The following MAP7D2 variants were observed in gnomAD, a reference collection of about 807,000 sequenced individuals.
The protein encoded by MAP7D2 is MAP7 domain containing 2, also known as MAP7 domain-containing protein 2.
In MAP7D2, 33 loss-of-function variants were observed where a neutral mutation model predicts 63.5. The ratio of observed to expected loss-of-function variants is 0.52; its 90% CI spans 0.39 to 0.70. The LOEUF (loss-of-function observed/expected upper bound fraction) is 0.70, where lower values mean the gene tolerates loss of function less well. MAP7D2 is among the 30% of genes least tolerant of loss of function. MAP7D2 has a pLI of 0.00. For missense variants in MAP7D2, 626 were observed against 604.0 expected (o/e 1.04, Z -0.38); for synonymous variants, 224 against 223.7 (o/e 1.00, Z -0.01).
chrX:20,009,572 G>A (rs1321589509), intron 16 of MAP7D2, among the ~76,000 whole-genome samples: 1 of 103,514 alleles, frequency 9.7e-6, no homozygotes, highest in Non-Finnish European at 1.9e-5. Context: ...GCTGAGGCAG[G>A]AGAATGGCTT....
chrX:20,031,766 C>CA (rs1332223762), intron 8 of MAP7D2, among the ~76,000 whole-genome samples: 2 of 111,544 alleles, frequency 1.8e-5, no homozygotes, highest in East Asian at 5.5e-4. Context: ...GAGTCTGTCT[C>CA]AAAAAAACCC....
At chrX:20,076,065 T>C (rs966044525) in intron 1 of MAP7D2, among the ~76,000 whole-genome samples, 6 of 111,778 alleles carry the variant, frequency 5.4e-5, no homozygotes, top group Non-Finnish European at 9.4e-5. Flanking sequence ...TGCTGGGCTC[T>C]ACCCCTAGAA....
chrX:20,008,484 C>T (rs1413628577), intron 16 of MAP7D2, 86 bp from the exon 17 acceptor site: 2 of 112,322 alleles, frequency 1.8e-5, no homozygotes, highest in Non-Finnish European at 3.8e-5. Flanking sequence ...CTCACTAAAA[C>T]GATCACAACA....
At chrX:20,038,928 T>A (rs1372256263) in intron 8 of MAP7D2, among the ~76,000 whole-genome samples, 1 of 112,087 alleles carries the variant, frequency 8.9e-6, no homozygotes, top group East Asian at 2.8e-4. Context: ...TACCATGCCC[T>A]GTGATTAAGG....
Position 20,052,871 on chromosome X carries a change from C to A in MAP7D2, c.595+7G>T, listed in dbSNP as rs2064984008. 3 of 1,165,898 alleles carry A rather than the reference C, an allele frequency of 2.6e-6. No homozygotes were observed. Among genetic ancestry groups the A allele is most frequent in the Non-Finnish European group, 3.5e-6 (3 of 853,860 alleles). ...ACTAGAGAGACCAAGTCTACATGTTCACTTGCCTCGGTCTGGGGAATAGGA... is the reference window on the plus strand; with the variant it reads ...ACTAGAGAGACCAAGTCTACATGTTAACTTGCCTCGGTCTGGGGAATAGGA... On this transcript the variant is annotated splice_region_variant and intron_variant, in intron 5 of 16. Coordinates refer to ENST00000379643, the MANE Select transcript of MAP7D2 (RefSeq NM_001168465.2).
At chrX:20,024,819 G>A in intron 10 of MAP7D2, 132 bp downstream of exon 10, 3 of 674,599 alleles carry the variant, frequency 4.4e-6, no homozygotes, top group Non-Finnish European at 6.6e-6. Context: ...CTTCCATGTA[G>A]TTCAGACATT....
At chrX:20,099,471 T>A (rs776101895) in intron 1 of MAP7D2, among the ~76,000 whole-genome samples, 27 of 111,858 alleles carry the variant, frequency 2.4e-4, no homozygotes, top group Non-Finnish European at 4.7e-4. Flanking sequence ...CCTGTCTGCC[T>A]TTTATCTAAT....
intron 1 of MAP7D2, among the ~76,000 whole-genome samples, chrX:20,106,285 T>C: frequency 8.9e-6 from 1 of 112,006 alleles, no homozygotes; most frequent in Non-Finnish European, 1.9e-5. Flanking sequence ...GAGGACCCAC[T>C]AGTCACAGCC....
chrX:20,068,396 G>T (rs1406148512), intron 1 of MAP7D2, among the ~76,000 whole-genome samples: 2 of 112,080 alleles, frequency 1.8e-5, no homozygotes, highest in African/African-American at 3.2e-5. Context: ...GTTCAGTCGG[G>T]ATTGAGATTT....
intron 2 of MAP7D2, among the ~76,000 whole-genome samples, chrX:20,063,906 C>T (rs779938568): frequency 5.3e-5 from 6 of 112,460 alleles, no homozygotes; most frequent in African/African-American, 1.9e-4. Context: ...ATGACTATGA[C>T]GGCTGTCATT....
At chrX:20,098,669 C>T (rs185262226) in intron 1 of MAP7D2, among the ~76,000 whole-genome samples, 4 of 111,726 alleles carry the variant, frequency 3.6e-5, no homozygotes, top group Non-Finnish European at 5.7e-5. Flanking sequence ...AGCGGAGATC[C>T]AGTGCCTGTC....
intron 3 of MAP7D2, among the ~76,000 whole-genome samples, chrX:20,061,763 A>G (rs1326628553): frequency 1.8e-5 from 2 of 112,918 alleles, no homozygotes; most frequent in Non-Finnish European, 1.9e-5. Context: ...GAGAAAAATT[A>G]TAAACAGAAA....
At chrX:20,094,520 A>ATG (rs2066175508) in intron 1 of MAP7D2, among the ~76,000 whole-genome samples, 2 of 10,073 alleles carry the variant, frequency 2.0e-4, no homozygotes, top group Non-Finnish European at 3.0e-4. Context: ...ATATATGTAT[A>ATG]TATATATATA....
intron 3 of MAP7D2, among the ~76,000 whole-genome samples, chrX:20,061,703 G>T (rs752551166): frequency 7.1e-5 from 8 of 112,547 alleles, no homozygotes; most frequent in Non-Finnish European, 1.1e-4. Flanking sequence ...CTCCAAGAAG[G>T]GGGAGCTGTT....
chrX:20,094,540 A>ATTTTT (rs2066185720), intron 1 of MAP7D2, among the ~76,000 whole-genome samples: 1 of 11,977 alleles, frequency 8.3e-5, no homozygotes, highest in African/African-American at 2.4e-4. Flanking sequence ...ATATATATAT[A>ATTTTT]TGTATATATA....
intron 3 of MAP7D2, among the ~76,000 whole-genome samples, chrX:20,061,825 T>C (rs1484737509): frequency 1.8e-5 from 2 of 112,380 alleles, no homozygotes; most frequent in Admixed American, 1.9e-4. Context: ...GCATGGGAAG[T>C]GTCTTATGTG....
At position 20,025,654 on chromosome X, in the gene MAP7D2, A is replaced by C. The variant is rs1438335217; in HGVS notation, c.1279+27T>G. 8.3e-6 allele frequency: 10 copies of C among 1,205,994 alleles called. No homozygotes were observed. In the Admixed American group the frequency reaches 2.2e-4, roughly 26 times the overall value. On this transcript the variant is annotated intron_variant, in intron 9 of 16. Transcript: ENST00000379643. ...GGGTCTGAGGAGAACCGTCTTGGGA[A>C]AGCCAAGGCACGGTGGCAGCATCTA... is the stretch of plus-strand genomic sequence containing the variant.
At chrX:20,030,050 C>T (rs149470097) in intron 8 of MAP7D2, among the ~76,000 whole-genome samples, 5,135 of 111,790 alleles carry the variant, frequency 0.046, 292 homozygotes, top group African/African-American at 0.16. Context: ...GTCTGGCAAG[C>T]TATTTTTCAA....
At chrX:20,088,484 T>TG (rs2065978773) in intron 1 of MAP7D2, among the ~76,000 whole-genome samples, 1 of 33,382 alleles carries the variant, frequency 3.0e-5, no homozygotes, top group Non-Finnish European at 4.6e-5. Context: ...TTTTTTTTTT[T>TG]TTTTTTTTTT....
Sources: gnomAD v4.1 joint callset for allele counts (sites outside exome capture counted in the v4.1 genomes callset) on GRCh38, gnomAD v4.1.1 for gene constraint, MANE v1.5 for transcripts, NCBI Gene and HGNC (gene_info 2026-07-23, HGNC 2026-07-21) for gene names.